Variants in CNTN5 observed in about 807,000 individuals in gnomAD.
CNTN5 encodes the protein contactin-5.
Under a neutral mutation model 129.1 loss-of-function variants are expected in CNTN5, and 77 were observed. The ratio of observed to expected loss-of-function variants is 0.60; its 90% CI spans 0.50 to 0.72. The LOEUF is 0.72. Ranked by LOEUF, CNTN5 falls within the 30% of genes least tolerant of loss-of-function variation. The pLI is 0.00. For synonymous variants in CNTN5, 509 were observed against 465.6 expected (o/e 1.09, Z -1.20); for missense variants, 1,478 against 1,328.8 (o/e 1.11, Z -1.75).
At chr11:99,334,092 A>T (rs12223448) in intron 2 of CNTN5, among the ~76,000 whole-genome samples, 38,527 of 151,906 alleles carry the variant, frequency 0.25, 5,412 homozygotes, top group South Asian at 0.33. Flanking sequence ...AGGCCAGCAC[A>T]TACACGCCTT....
chr11:99,382,763 A>G (rs1313166262), intron 2 of CNTN5, among the ~76,000 whole-genome samples: 2 of 149,392 alleles, frequency 1.3e-5, no homozygotes, highest in South Asian at 2.2e-4. Flanking sequence ...TCCATTTTTG[A>G]CAGAACTCAG....
chr11:99,318,001 G>A (rs936146682), intron 1 of CNTN5, among the ~76,000 whole-genome samples: 1 of 152,044 alleles, frequency 6.6e-6, no homozygotes, highest in African/African-American at 2.4e-5. Flanking sequence ...TGTGGTCCTA[G>A]ACTGAAAACT....
intron 1 of CNTN5, among the ~76,000 whole-genome samples, chr11:99,064,727 T>C (rs1865030722): frequency 1.3e-5 from 2 of 152,084 alleles, no homozygotes; most frequent in Non-Finnish European, 2.9e-5. Context: ...CCTTTTGATA[T>C]ATCAAGATTA....
intron 21 of CNTN5, among the ~76,000 whole-genome samples, chr11:100,310,167 A>G: frequency 6.6e-6 from 1 of 151,900 alleles, no homozygotes; most frequent in East Asian, 1.9e-4. Flanking sequence ...AAAGAACTAC[A>G]TTAGTGTGAA....
At chr11:99,916,249 T>G (rs2136013718) in intron 7 of CNTN5, 100 bp downstream of exon 7, 2 of 861,112 alleles carry the variant, frequency 2.3e-6, no homozygotes. Context: ...TCAGGTGAAA[T>G]GTGCATGGTT....
chr11:99,664,252 G>A (rs564435036), intron 3 of CNTN5, among the ~76,000 whole-genome samples: 1 of 152,076 alleles, frequency 6.6e-6, no homozygotes, highest in South Asian at 2.1e-4. Context: ...CTTAATAATT[G>A]CATTATTGTT....
chr11:99,585,654 A>G (rs1261857544), intron 3 of CNTN5, among the ~76,000 whole-genome samples: 1 of 152,122 alleles, frequency 6.6e-6, no homozygotes, highest in African/African-American at 2.4e-5. Context: ...GACTTCCATT[A>G]TTTTCCAACT....
chr11:99,400,040 T>C (rs1941719796), intron 2 of CNTN5, among the ~76,000 whole-genome samples: 1 of 152,056 alleles, frequency 6.6e-6, no homozygotes, highest in African/African-American at 2.4e-5. Flanking sequence ...ATGGTACTTT[T>C]AGTACTTTTA....
chr11:100,250,341 A>G (rs1565371754), intron 16 of CNTN5, among the ~76,000 whole-genome samples: 1 of 152,092 alleles, frequency 6.6e-6, no homozygotes, highest in Non-Finnish European at 1.5e-5. Context: ...TCCACACTCA[A>G]AATATAACTC....
chr11:99,153,067 C>T (rs1400809314), intron 1 of CNTN5, among the ~76,000 whole-genome samples: 1 of 152,110 alleles, frequency 6.6e-6, no homozygotes, highest in Non-Finnish European at 1.5e-5. Context: ...CTCTAGCTGC[C>T]TTTAACATTT....
At chr11:99,518,842 C>T (rs1947160979) in intron 2 of CNTN5, among the ~76,000 whole-genome samples, 1 of 152,188 alleles carries the variant, frequency 6.6e-6, no homozygotes, top group South Asian at 2.1e-4. Context: ...CAGTGCAACA[C>T]TTTACTTCAA....
chr11:99,266,432 C>T (rs568386351), intron 1 of CNTN5, among the ~76,000 whole-genome samples: 11 of 151,984 alleles, frequency 7.2e-5, no homozygotes, highest in African/African-American at 2.4e-4. Flanking sequence ...GACTCCATCT[C>T]TACAAAAGAT....
At chr11:99,446,702 C>T (rs1440936486) in intron 2 of CNTN5, among the ~76,000 whole-genome samples, 1 of 152,162 alleles carries the variant, frequency 6.6e-6, no homozygotes, top group East Asian at 1.9e-4. Context: ...CTGTAGTCTT[C>T]TTTACATTGA....
chr11:99,950,976 T>A (rs1034714464), intron 7 of CNTN5, among the ~76,000 whole-genome samples: 2 of 152,196 alleles, frequency 1.3e-5, no homozygotes, highest in Non-Finnish European at 2.9e-5. Flanking sequence ...CCTTTGATGT[T>A]GAAGATGATT....
At chr11:99,517,790 C>T (rs888795406) in intron 2 of CNTN5, among the ~76,000 whole-genome samples, 8 of 152,114 alleles carry the variant, frequency 5.3e-5, no homozygotes, top group East Asian at 1.9e-4. Context: ...TCTACCATAG[C>T]CCACCTAACT....
At chr11:99,237,600 G>C (rs899164420) in intron 1 of CNTN5, among the ~76,000 whole-genome samples, 2 of 152,034 alleles carry the variant, frequency 1.3e-5, no homozygotes, top group Non-Finnish European at 2.9e-5. Flanking sequence ...GGAATCGTTT[G>C]AACCCGGGAG....
intron 3 of CNTN5, among the ~76,000 whole-genome samples, chr11:99,747,138 CTTAG>C (rs956162880): frequency 3.3e-5 from 5 of 152,050 alleles, no homozygotes; most frequent in African/African-American, 1.2e-4. Flanking sequence ...ATTTTGCCCC[CTTAG>C]TTAAATTTAT....
intron 3 of CNTN5, among the ~76,000 whole-genome samples, chr11:99,818,445 T>TG (rs1565565865): frequency 2.0e-5 from 3 of 152,144 alleles, no homozygotes; most frequent in East Asian, 1.9e-4. Flanking sequence ...TTTGTGTAGA[T>TG]GGGGTCTCAC....
In CNTN5 at chr11:99,727,469, T is replaced by C. The variant is rs957951071; in HGVS notation, c.56-92075T>C. On this transcript the variant is annotated intron_variant, in intron 3 of 24. Coordinates refer to ENST00000524871, the MANE Select transcript of CNTN5 (RefSeq NM_014361.4). ...TAGAGCATGTCACAAACCCAAACCT[T>C]ATCACTAAATATAATTTTCATAGTT... Among the ~76,000 whole-genome samples the C allele has an allele frequency of 2.0e-5, 3 of 151,924 alleles. No individual in the cohort carries two copies. The East Asian group carries it at 5.8e-4, about 29-fold the overall frequency.
Sources: allele counts gnomAD v4.1 joint callset (sites outside exome capture counted in the v4.1 genomes callset), GRCh38; gene constraint gnomAD v4.1.1; transcripts MANE v1.5; gene names NCBI Gene and HGNC (gene_info 2026-07-23, HGNC 2026-07-21).